ZNF814: variants seen among roughly 807,000 people sequenced by gnomAD.
ZNF814 encodes the protein zinc finger protein 814.
Under a neutral mutation model 7.5 loss-of-function variants are expected in ZNF814, and 5 were observed. The ratio of observed to expected loss-of-function variants is 0.67; its 90% CI spans 0.35 to 1.40. The LOEUF (loss-of-function observed/expected upper bound fraction) is 1.40. Among genes scored for constraint, ZNF814 ranks in the 40% most tolerant of loss-of-function variants. ZNF814 has a pLI of 0.04. For missense variants in ZNF814, 962 were observed against 1,018.0 expected, an observed-to-expected ratio of 0.94 and a Z score of 0.75; for synonymous variants, 315 against 340.7, an observed-to-expected ratio of 0.92 and a Z score of 0.83.
At chr19:57,902,235 G>A in the ZNF814 span, among the ~76,000 whole-genome samples, 1 of 152,196 alleles carries the variant, frequency 6.6e-6, no homozygotes, top group African/African-American at 2.4e-5. Context: ...GGGAAATTGT[G>A]TAGCAAGTAA....
In ZNF814 at chr19:57,873,480, C is replaced by T; in HGVS notation, c.1910G>A (p.Cys637Tyr). ...TCCTTTTTCATTAAAAGATTTCCCA[C>T]AGTCTCCACACTTGTAAGGTCTTTC... ...TGERPYKCGD[C>Y]GKSFNEKGHL... Residue 637 changes from cysteine (C) to tyrosine (Y), a missense_variant, in exon 3 of 3, where the codon TGT becomes TAT. Coordinates refer to ENST00000435989, the MANE Select transcript of ZNF814 (RefSeq NM_001144989.2). The T allele has an allele frequency of 6.2e-7, 1 of 1,614,180 alleles. No homozygotes were observed.
In ZNF814 at chr19:57,888,959, A is replaced by C. The variant is rs1380731475; in HGVS notation, c.-157T>G. 6.6e-6 allele frequency: 5 copies of C among 754,472 alleles called. No homozygotes were observed. The highest frequency in any genetic ancestry group is 2.7e-5 in the East Asian group (1 of 36,788). 46.7% of individuals were successfully genotyped at this position (754,472 alleles called of 1,614,324 possible). A position where few individuals can be genotyped will look rare whatever the true frequency, so the allele number is the denominator to read the frequency against. Reference sequence around the variant, plus strand: ...TGCAGCGGAGGACAACTGCTCCCCGACTTCTGGGTTCAGTCACCACAGTGC... The same window carrying C: ...TGCAGCGGAGGACAACTGCTCCCCGCCTTCTGGGTTCAGTCACCACAGTGC... On this transcript the variant is annotated 5_prime_UTR_variant, in exon 1 of 3. Coordinates refer to ENST00000435989, the MANE Select transcript of ZNF814 (RefSeq NM_001144989.2).
chr19:57,878,874 C>A (rs1272566933), intron 1 of ZNF814, among the ~76,000 whole-genome samples: 2 of 152,104 alleles, frequency 1.3e-5, no homozygotes, highest in African/African-American at 4.8e-5. Context: ...CAAGAGCAGC[C>A]TGGACAACAC....
In ZNF814 at chr19:57,872,641, C is replaced by A. The variant is rs192439514; in HGVS notation, c.*181G>T. The A allele has an allele frequency of 6.8e-6, 10 of 1,473,448 alleles. No individual in the cohort carries two copies. The Admixed American group carries it at 1.9e-4, about 28-fold the overall frequency. The allele number at this position is 1,473,448 out of a possible 1,614,324, so 91.3% of individuals were successfully genotyped here. A position where few individuals can be genotyped will look rare whatever the true frequency, so the allele number is the denominator to read the frequency against. ...GAAAGTTTCAGCAAAGGATTTCCCA[C>A]ATTCACTGCACTCATAAGGTGGTGT... On this transcript the variant is annotated 3_prime_UTR_variant, in exon 3 of 3. Transcript: ENST00000435989.
Position 57,873,005 on chromosome 19 carries a change from AGT to A in ZNF814, c.2383_2384del (p.Thr795TrpfsTer6). ...CACTGCACTCATAAGGCTTTTCTCC[AGT>A]GTGAACTCTTTTGTGTTTTGTGAAA... ...SSFTKHKRVH[T>X]GEKPYECSEC... is the part of the protein sequence containing the mutation. On this transcript the variant is annotated frameshift_variant, in exon 3 of 3. Coordinates refer to ENST00000435989, the MANE Select transcript of ZNF814 (RefSeq NM_001144989.2). LOFTEE classifies it low-confidence loss of function (END_TRUNC). 1 of 1,613,958 alleles carries A rather than the reference AGT, an allele frequency of 6.2e-7. No homozygotes were observed. The highest frequency in any genetic ancestry group is 2.2e-5 in the East Asian group (1 of 44,882).
At chr19:57,889,141 C>G, upstream of ZNF814, 1 of 423,726 alleles carries the variant, frequency 2.4e-6, no homozygotes, top group South Asian at 8.4e-5. Flanking sequence ...TCATTCGAGG[C>G]TGAGTTTTCT....
chr19:57,876,149 G>T (rs541685502), intron 2 of ZNF814, among the ~76,000 whole-genome samples: 169 of 151,624 alleles, frequency 1.1e-3, no homozygotes, highest in Non-Finnish European at 1.9e-3. Flanking sequence ...GTAGAGACAG[G>T]GTTTCACCAT....
At position 57,888,856 on chromosome 19, in the gene ZNF814, T is replaced by C; in HGVS notation, c.-54A>G. The C allele has an allele frequency of 6.5e-7, 1 of 1,545,210 alleles. No homozygotes were observed. Among genetic ancestry groups the C allele is most frequent in the Non-Finnish European group, 8.8e-7 (1 of 1,141,542 alleles). Reference sequence around the variant, plus strand: ...GAGGATAGGGCGACCAGCCAGGAGATATGGGCACGACGGTCCGTATCCTGG... The same window carrying C: ...GAGGATAGGGCGACCAGCCAGGAGACATGGGCACGACGGTCCGTATCCTGG... On this transcript the variant is annotated 5_prime_UTR_variant, in exon 1 of 3. It adds an upstream start codon to the 5' untranslated region. Coordinates refer to ENST00000435989, the MANE Select transcript of ZNF814 (RefSeq NM_001144989.2).
chr19:57,877,622 T>A (rs2071616877), intron 1 of ZNF814, among the ~76,000 whole-genome samples: 1 of 152,056 alleles, frequency 6.6e-6, no homozygotes, highest in Non-Finnish European at 1.5e-5. Flanking sequence ...TTTGTATTTT[T>A]AGTAGTGATA....
At chr19:57,896,755 G>A in the ZNF814 span, among the ~76,000 whole-genome samples, 1 of 152,180 alleles carries the variant, frequency 6.6e-6, no homozygotes, top group Admixed American at 6.5e-5. The surrounding 1 kb of genome is among the most constrained non-coding windows in gnomAD (Gnocchi z 4.2). Context: ...ACTAAAAAAT[G>A]TGGCTCTGAA....
the ZNF814 span, among the ~76,000 whole-genome samples, chr19:57,904,375 C>T: frequency 6.6e-6 from 1 of 152,116 alleles, no homozygotes; most frequent in Non-Finnish European, 1.5e-5. Flanking sequence ...CCCCTGAGAC[C>T]CACCCTATGT....
At chr19:57,883,039 TA>T (rs2071660606) in intron 1 of ZNF814, among the ~76,000 whole-genome samples, 2 of 152,350 alleles carry the variant, frequency 1.3e-5, no homozygotes, top group African/African-American at 4.8e-5. Flanking sequence ...TTCTATCAGA[TA>T]AATTTGGCAA....
At chr19:57,889,911 A>T (rs183680393), upstream of ZNF814, among the ~76,000 whole-genome samples, 81 of 152,310 alleles carry the variant, frequency 5.3e-4, no homozygotes, top group Non-Finnish European at 8.4e-4. Context: ...AAGATTGCAG[A>T]TCTTTCTCCT....
intron 1 of ZNF814, among the ~76,000 whole-genome samples, chr19:57,880,603 T>C (rs895491243): frequency 8.1e-6 from 1 of 122,918 alleles, no homozygotes; most frequent in Non-Finnish European, 1.6e-5. Flanking sequence ...ACAGAACACC[T>C]TTTTTTTTTC....
the ZNF814 span, among the ~76,000 whole-genome samples, chr19:57,902,960 T>C: frequency 2.0e-5 from 3 of 152,262 alleles, 1 homozygote; most frequent in South Asian, 6.2e-4. Flanking sequence ...ATTACAGGTG[T>C]GAGCCACCCC....
At position 57,888,780 on chromosome 19, in the gene ZNF814, C is replaced by T. The variant is rs1445612075; in HGVS notation, c.23G>A (p.Arg8Lys). 6.4e-7 allele frequency: 1 copy of T among 1,552,352 alleles called. No homozygotes were observed. The highest frequency in any genetic ancestry group is 1.4e-5 in the African/African-American group (1 of 73,054). Residue 8 changes from arginine to lysine, a missense_variant, in exon 1 of 3, where the codon AGG becomes AAG. Physicochemically the swap from Arg to Lys is conservative, Grantham distance 26. This residue lies in a region of ZNF814 where 63 missense variants were observed against 65.0 expected (regional missense o/e 0.97). Coordinates refer to ENST00000435989, the MANE Select transcript of ZNF814 (RefSeq NM_001144989.2). The stretch of plus-strand genomic sequence containing the variant: ...CCCCACAATTACCTGAGCGGAGAGC[C>T]TCAGCGTAGCCGCGGCAGCCATCGA... Reference protein sequence around the residue: MAAAATLRLSAQGTVTFE... With the variant: MAAAATLKLSAQGTVTFE...
At chr19:57,897,753 G>A in the ZNF814 span, among the ~76,000 whole-genome samples, 1 of 152,180 alleles carries the variant, frequency 6.6e-6, no homozygotes, top group South Asian at 2.1e-4. Context: ...GAAAAAGTTG[G>A]TCTATTGCTT....
Position 57,872,782 on chromosome 19 carries a change from G to A in ZNF814, c.*40C>T. ...TGTGAACTCTCTGGTGTGCAATGAG[G>A]TGGTCCTTCTTGCTAAAAACTTTCT... On this transcript the variant is annotated 3_prime_UTR_variant, in exon 3 of 3. Coordinates refer to ENST00000435989, the MANE Select transcript of ZNF814 (RefSeq NM_001144989.2). The A allele has an allele frequency of 6.3e-7, 1 of 1,592,540 alleles. No homozygotes were observed.
chr19:57,900,832 T>C, the ZNF814 span, among the ~76,000 whole-genome samples: 1 of 143,228 alleles, frequency 7.0e-6, no homozygotes, highest in Non-Finnish European at 1.5e-5. Flanking sequence ...AGCAAAGCCA[T>C]GGCTGCATTT....
Sources: allele counts gnomAD v4.1 joint callset (sites outside exome capture counted in the v4.1 genomes callset), GRCh38; gene constraint gnomAD v4.1.1; regional missense constraint gnomAD v4.1.1; non-coding constraint Gnocchi (gnomAD v3.1); transcripts MANE v1.5; gene names NCBI Gene and HGNC (gene_info 2026-07-23, HGNC 2026-07-21).